Variants in IMPA2 observed in about 807,000 individuals in gnomAD.
IMPA2 encodes inositol monophosphatase 2, also known as IMP 2.
In IMPA2, 32 loss-of-function variants were observed where a neutral mutation model predicts 35.1. The observed-to-expected ratio is 0.91, with a 90% CI of 0.69 to 1.23. The LOEUF (loss-of-function observed/expected upper bound fraction) is 1.23. Among genes scored for constraint, IMPA2 ranks in the 50% most tolerant of loss-of-function variants. IMPA2 has a pLI of 0.00. For synonymous variants in IMPA2, 135 were observed against 160.6 expected, an observed-to-expected ratio of 0.84 and a Z score of 1.20; for missense variants, 334 against 387.6, an observed-to-expected ratio of 0.86 and a Z score of 1.16.
At chr18:12,026,631 C>T (rs1176011575) in intron 5 of IMPA2, among the ~76,000 whole-genome samples, 1 of 152,158 alleles carries the variant, frequency 6.6e-6, no homozygotes, top group Non-Finnish European at 1.5e-5. Flanking sequence ...TCCCCACCCC[C>T]ACCCCGGAAA....
chr18:12,029,923 A>C (rs1907999594), intron 7 of IMPA2, among the ~76,000 whole-genome samples: 1 of 152,204 alleles, frequency 6.6e-6, no homozygotes. Context: ...GCTTGTGGGC[A>C]GGTAGCCTCA....
chr18:12,013,354 G>C (rs1283492215), intron 4 of IMPA2, among the ~76,000 whole-genome samples: 4 of 152,188 alleles, frequency 2.6e-5, no homozygotes, highest in Admixed American at 6.5e-5. Flanking sequence ...GAAGGGGAAG[G>C]ATGATGAAAT....
chr18:12,022,866 C>T (rs1181569206), intron 5 of IMPA2, among the ~76,000 whole-genome samples: 1 of 151,122 alleles, frequency 6.6e-6, no homozygotes, highest in Non-Finnish European at 1.5e-5. Context: ...CCTCTGCCTC[C>T]CAGGTTCAAG....
chr18:11,995,570 T>A (rs1046464519), intron 1 of IMPA2, among the ~76,000 whole-genome samples: 15 of 152,272 alleles, frequency 9.9e-5, no homozygotes, highest in African/African-American at 3.6e-4. Flanking sequence ...GTTTTGACTT[T>A]ATCCACATAG....
intron 1 of IMPA2, chr18:11,994,242 G>C (rs2143784078): frequency 6.6e-6 from 1 of 151,942 alleles, no homozygotes; most frequent in African/African-American, 2.4e-5. Flanking sequence ...CGGGTGTGGT[G>C]GTGCGTGCTT....
rs187344985 is a variant in IMPA2, at chr18:11,993,271, T to C, written c.97-5783T>C. ...TTCTGGAGTGTACTTTATCCCTCTC[T>C]ACTCCCACTGATGTTATGAAACTGC... On this transcript the variant is annotated intron_variant, in intron 1 of 7. Transcript: ENST00000269159. 9.7e-4 allele frequency among the ~76,000 whole-genome samples: 148 copies of C among 152,342 alleles called. 1 individual carries two copies. Among genetic ancestry groups the C allele is most frequent in the African/African-American group, 3.4e-3 (143 of 41,588 alleles).
Position 12,028,691 on chromosome 18 carries a change from T to C in IMPA2, c.600-151T>C, listed in dbSNP as rs532387159. On this transcript the variant is annotated intron_variant, in intron 6 of 7. Coordinates refer to ENST00000269159, the MANE Select transcript of IMPA2 (RefSeq NM_014214.3). ...CCTGTTGGTTGGTGGCTCCAGGCCC[T>C]ATATTCAGCCTCCAGAGCTTTGGCA... The C allele has an allele frequency of 1.1e-5, 10 of 900,332 alleles. No homozygotes were observed. The East Asian group carries it at 2.5e-4, about 22-fold the overall frequency. 55.8% of individuals were successfully genotyped at this position (900,332 alleles called of 1,614,324 possible). A position where few individuals can be genotyped will look rare whatever the true frequency, so the allele number is the denominator to read the frequency against.
At chr18:12,012,088 T>C (rs1302139982) in intron 3 of IMPA2, 82 bp from the exon 4 acceptor site, 24 of 1,321,406 alleles carry the variant, frequency 1.8e-5, no homozygotes, top group East Asian at 9.2e-5. Flanking sequence ...CTTCTGAGCC[T>C]GCGGGGAGCC....
At position 12,030,504 on chromosome 18, in the gene IMPA2, T is replaced by C. The variant is rs753631251; in HGVS notation, c.*46T>C. On this transcript the variant is annotated 3_prime_UTR_variant, in exon 8 of 8. Coordinates refer to ENST00000269159, the MANE Select transcript of IMPA2 (RefSeq NM_014214.3). ...CTCCCAAGGCCTCCCTGGGCTGCTG[T>C]GGGCTCCTGGGGAGGTGGCCCTCGT... 6.6e-7 allele frequency: 1 copy of C among 1,508,128 alleles called. No homozygotes were observed. Among genetic ancestry groups the C allele is most frequent in the Non-Finnish European group, 9.2e-7 (1 of 1,084,278 alleles). The allele number at this position is 1,508,128 out of a possible 1,614,324, so 93.4% of individuals were successfully genotyped here. A position where few individuals can be genotyped will look rare whatever the true frequency, so the allele number is the denominator to read the frequency against.
chr18:11,999,596 G>A (rs988571257), intron 2 of IMPA2, among the ~76,000 whole-genome samples: 1 of 152,230 alleles, frequency 6.6e-6, no homozygotes, highest in Non-Finnish European at 1.5e-5. Flanking sequence ...AACTTTCCCA[G>A]GAGGATGGGA....
intron 5 of IMPA2, among the ~76,000 whole-genome samples, chr18:12,026,569 G>A (rs891220658): frequency 1.3e-5 from 2 of 152,150 alleles, no homozygotes; most frequent in South Asian, 2.1e-4. Flanking sequence ...ACTGTTTATC[G>A]AGTGCCCACT....
At chr18:12,001,424 G>A (rs982415670) in intron 2 of IMPA2, among the ~76,000 whole-genome samples, 1 of 152,082 alleles carries the variant, frequency 6.6e-6, no homozygotes, top group Non-Finnish European at 1.5e-5. Context: ...CATCTGCGTG[G>A]GGTCTGGTAA....
intron 2 of IMPA2, among the ~76,000 whole-genome samples, chr18:12,005,058 C>T (rs1907213538): frequency 6.6e-6 from 1 of 152,166 alleles, no homozygotes; most frequent in Non-Finnish European, 1.5e-5. Context: ...TTTTTGGTGC[C>T]TCCAAAGACC....
At position 12,010,981 on chromosome 18, in the gene IMPA2, A is replaced by G. The variant is rs2143805676; in HGVS notation, c.335+994A>G. On this transcript the variant is annotated intron_variant, in intron 3 of 7. Transcript: ENST00000269159. This position sits in a 1 kb window ranked among gnomAD's most constrained non-coding sequence, Gnocchi z 4.8. ...ACCAATCTCTCCTCTCATTTCAACT[A>G]AAGCATGATCCTTCCCAGGGCTCTC... 6.6e-6 allele frequency among the ~76,000 whole-genome samples: 1 copy of G among 152,154 alleles called. No homozygotes were observed. The highest frequency in any genetic ancestry group is 1.9e-4 in the East Asian group (1 of 5,194).
At chr18:12,025,623 AGGCTAAAGTGCAGT>A (rs1472826727) in intron 5 of IMPA2, among the ~76,000 whole-genome samples, 2 of 152,208 alleles carry the variant, frequency 1.3e-5, no homozygotes, top group Non-Finnish European at 2.9e-5. Context: ...TCTGTCACCC[AGGCTAAAGTGCAGT>A]GGTGTGATCT....
At chr18:11,997,840 T>C (rs1907003857) in intron 1 of IMPA2, among the ~76,000 whole-genome samples, 1 of 152,202 alleles carries the variant, frequency 6.6e-6, no homozygotes, top group South Asian at 2.1e-4. Context: ...TTTGTCATCA[T>C]GATGAGGGAG....
intron 6 of IMPA2, 38 bp downstream of exon 6, chr18:12,028,189 G>A: frequency 7.3e-7 from 1 of 1,363,940 alleles, no homozygotes; most frequent in Non-Finnish European, 1.0e-6. Context: ...TGCAGCCCGA[G>A]GAGGAAGAAC....
intron 5 of IMPA2, among the ~76,000 whole-genome samples, chr18:12,014,877 G>A (rs985715811): frequency 2.6e-5 from 4 of 152,286 alleles, no homozygotes; most frequent in South Asian, 2.1e-4. Flanking sequence ...ATGGCCTGCC[G>A]TGATTTCCTT....
chr18:12,022,782 C>CT (rs71172045), intron 5 of IMPA2, among the ~76,000 whole-genome samples: 85,399 of 142,512 alleles, frequency 0.6, 27,915 homozygotes, highest in Non-Finnish European at 0.75. Context: ...ATACTCTGTT[C>CT]TTTTTTTTTT....
Sources: gnomAD v4.1 joint callset for allele counts (sites outside exome capture counted in the v4.1 genomes callset) on GRCh38, gnomAD v4.1.1 for gene constraint, Gnocchi (gnomAD v3.1) non-coding constraint, MANE v1.5 for transcripts, NCBI Gene and HGNC (gene_info 2026-07-23, HGNC 2026-07-21) for gene names.